TANC2: variants seen among roughly 807,000 people sequenced by gnomAD.
TANC2 encodes tetratricopeptide repeat, ankyrin repeat and coiled-coil containing 2.
TANC2 carries 26 observed loss-of-function variants against 210.5 expected under a neutral mutation model. That is an observed-to-expected ratio of 0.12 (90% CI 0.09 to 0.17). TANC2 has a LOEUF of 0.17. Ranked by LOEUF, TANC2 falls within the 10% of genes least tolerant of loss-of-function variation. TANC2 has a pLI of 1.00. For synonymous variants in TANC2, 931 were observed against 967.1 expected (o/e 0.96, Z 0.69); for missense variants, 2,129 against 2,608.9 (o/e 0.82, Z 4.01).
intron 9 of TANC2, among the ~76,000 whole-genome samples, chr17:63,287,686 ATT>A (rs113218272): frequency 2.8e-3 from 400 of 145,144 alleles, no homozygotes; most frequent in Middle Eastern, 7.0e-3. Flanking sequence ...TCCTGTATAT[ATT>A]TTTTTTTTTT....
Position 63,326,246 on chromosome 17 carries a change from G to C in TANC2, c.1575+7156G>C, listed in dbSNP as rs1383041357. Among the ~76,000 whole-genome samples the C allele has an allele frequency of 5.3e-5, 8 of 152,216 alleles. No homozygotes were observed. The East Asian group carries it at 1.5e-3, about 29-fold the overall frequency. ...AGACCCAAGGACATGTGGACACTTA[G>C]TGTATGATGAAGGCAGTATTTCAGA... is the stretch of plus-strand genomic sequence containing the variant. On this transcript the variant is annotated intron_variant, in intron 11 of 27. Transcript: ENST00000689528.
At chr17:63,376,060 C>T (rs1198195157) in intron 14 of TANC2, among the ~76,000 whole-genome samples, 1 of 151,996 alleles carries the variant, frequency 6.6e-6, no homozygotes, top group East Asian at 1.9e-4. Flanking sequence ...GCACTCCAGC[C>T]TGGGTGACAG....
chr17:63,138,546 G>A (rs2039173853), intron 4 of TANC2, among the ~76,000 whole-genome samples: 1 of 152,102 alleles, frequency 6.6e-6, no homozygotes, highest in African/African-American at 2.4e-5. Context: ...ACTTTAGGCT[G>A]TGTACTTGCA....
At chr17:63,008,378 A>C (rs923052557) in intron 1 of TANC2, among the ~76,000 whole-genome samples, 2 of 151,858 alleles carry the variant, frequency 1.3e-5, no homozygotes, top group Admixed American at 1.3e-4. Context: ...TTTTGTCTTT[A>C]TCTCTCTATG....
At chr17:63,209,770 T>G (rs2041830616) in intron 7 of TANC2, among the ~76,000 whole-genome samples, 1 of 152,236 alleles carries the variant, frequency 6.6e-6, no homozygotes, top group East Asian at 1.9e-4. Flanking sequence ...TTAAGTATTA[T>G]GTTCCTGTAG....
intron 2 of TANC2, among the ~76,000 whole-genome samples, chr17:63,070,378 A>G (rs1223143080): frequency 6.6e-6 from 1 of 152,166 alleles, no homozygotes; most frequent in Non-Finnish European, 1.5e-5. Flanking sequence ...CATTTTACTC[A>G]CTAAAGGATC....
Position 62,990,243 on chromosome 17 carries a change from A to G in TANC2, c.-23-19294A>G, listed in dbSNP as rs186652072. On this transcript the variant is annotated intron_variant, in intron 1 of 27. Transcript: ENST00000689528. The stretch of plus-strand genomic sequence containing the variant: ...GTTATCCAGATGATAGATGACAGCA[A>G]AGGCAATGGATGAACTAGGAGGAGA... Among the ~76,000 whole-genome samples, 29 of 152,268 alleles carry G rather than the reference A, an allele frequency of 1.9e-4. No homozygotes were observed. In the East Asian group the frequency reaches 4.4e-3, roughly 23 times the overall value.
intron 3 of TANC2, among the ~76,000 whole-genome samples, chr17:63,090,530 C>G (rs2037146412): frequency 6.6e-6 from 1 of 152,214 alleles, no homozygotes; most frequent in South Asian, 2.1e-4. Context: ...CTACAAAGGA[C>G]ACGAACTCAT....
intron 1 of TANC2, among the ~76,000 whole-genome samples, chr17:62,994,234 C>T (rs970360146): frequency 2.0e-5 from 3 of 151,392 alleles, no homozygotes; most frequent in East Asian, 1.9e-4. Context: ...AGTGCAGTGG[C>T]GCATTCTCAG....
At chr17:63,088,604 A>C (rs2037063572) in intron 3 of TANC2, 1 of 152,158 alleles carries the variant, frequency 6.6e-6, no homozygotes, top group African/African-American at 2.4e-5. Flanking sequence ...TGCACAGTAA[A>C]ATCAGCGCTC....
chr17:63,357,328 A>G (rs1310519114), intron 14 of TANC2, among the ~76,000 whole-genome samples: 2 of 152,212 alleles, frequency 1.3e-5, no homozygotes, highest in African/African-American at 4.8e-5. Flanking sequence ...AGGGGCTCTC[A>G]GAGGAGAAAA....
At chr17:63,276,731 C>T (rs1203535296) in intron 9 of TANC2, among the ~76,000 whole-genome samples, 1 of 151,952 alleles carries the variant, frequency 6.6e-6, no homozygotes, top group Non-Finnish European at 1.5e-5. Context: ...TTTTAAAACA[C>T]TAAGACAAAT....
chr17:63,247,396 A>G (rs1446973819), intron 8 of TANC2, among the ~76,000 whole-genome samples: 1 of 151,706 alleles, frequency 6.6e-6, no homozygotes, highest in Non-Finnish European at 1.5e-5. Flanking sequence ...TCTTTACGAC[A>G]TTGGGGTTTG....
intron 1 of TANC2, among the ~76,000 whole-genome samples, chr17:62,996,251 C>T (rs907905344): frequency 2.6e-5 from 4 of 152,134 alleles, no homozygotes; most frequent in African/African-American, 7.2e-5. Context: ...AGAAGGACTC[C>T]GTACTTCTAT....
At chr17:63,159,922 T>G (rs1443813790) in intron 5 of TANC2, among the ~76,000 whole-genome samples, 1 of 152,224 alleles carries the variant, frequency 6.6e-6, no homozygotes. Context: ...CATATAGTTC[T>G]GGAGGCTAGA....
At chr17:63,366,204 C>A (rs185162563) in intron 14 of TANC2, among the ~76,000 whole-genome samples, 120 of 152,120 alleles carry the variant, frequency 7.9e-4, no homozygotes, top group African/African-American at 2.7e-3. Flanking sequence ...TGCCATGCCT[C>A]GGGAGTTAAG....
intron 2 of TANC2, among the ~76,000 whole-genome samples, chr17:63,069,744 A>C (rs2036329117): frequency 6.6e-6 from 1 of 152,188 alleles, no homozygotes; most frequent in Non-Finnish European, 1.5e-5. Flanking sequence ...ATATTATTTC[A>C]TATCTCCTCT....
intron 5 of TANC2, among the ~76,000 whole-genome samples, chr17:63,156,431 A>AT (rs1395545139): frequency 6.6e-6 from 1 of 151,986 alleles, no homozygotes; most frequent in Non-Finnish European, 1.5e-5. Context: ...AAAAAAAAAA[A>AT]GCACCTGTTA....
chr17:62,995,425 G>A (rs1167708142), intron 1 of TANC2, among the ~76,000 whole-genome samples: 2 of 152,208 alleles, frequency 1.3e-5, no homozygotes, highest in African/African-American at 4.8e-5. Flanking sequence ...AAATTCAGAA[G>A]TTAGGCAATT....
Sources: gnomAD v4.1 joint callset for allele counts (sites outside exome capture counted in the v4.1 genomes callset) on GRCh38, gnomAD v4.1.1 for gene constraint, MANE v1.5 for transcripts, NCBI Gene and HGNC (gene_info 2026-07-23, HGNC 2026-07-21) for gene names.